The following RAB30 variants were observed in gnomAD, a reference collection of about 807,000 sequenced individuals.
The protein encoded by RAB30 is RAB30, member RAS oncogene family, also known as ras-related protein Rab-30.
A neutral mutation model predicts 25.1 loss-of-function variants in RAB30; 9 were observed. That is an observed-to-expected ratio of 0.36 (90% CI 0.22 to 0.63). The LOEUF is 0.63. Ranked by LOEUF, RAB30 falls within the 20% of genes least tolerant of loss-of-function variation. RAB30 has a pLI of 0.69. For synonymous variants in RAB30, 77 were observed against 86.4 expected, an observed-to-expected ratio of 0.89 and a Z score of 0.60; for missense variants, 140 against 243.5, an observed-to-expected ratio of 0.58 and a Z score of 2.83.
intron 1 of RAB30, among the ~76,000 whole-genome samples, chr11:83,031,631 G>T (rs1442676142): frequency 6.6e-6 from 1 of 151,686 alleles, no homozygotes; most frequent in East Asian, 1.9e-4. Context: ...GGGTTCAAGC[G>T]ATTCTCCTGC....
intron 1 of RAB30, among the ~76,000 whole-genome samples, chr11:83,021,138 T>C (rs1857568658): frequency 6.6e-6 from 1 of 152,204 alleles, no homozygotes; most frequent in Non-Finnish European, 1.5e-5. Context: ...AGCTGTTGTA[T>C]TGCTCAATAA....
At chr11:82,998,777 T>C (rs1471852672) in intron 1 of RAB30, among the ~76,000 whole-genome samples, 1 of 149,964 alleles carries the variant, frequency 6.7e-6, no homozygotes, top group African/African-American at 2.5e-5. Flanking sequence ...TTTCTTAAGG[T>C]GTAGGCAGAA....
At position 82,982,012 on chromosome 11, in the gene RAB30, C is replaced by G; in HGVS notation, c.*153G>C. Reference sequence around the variant, plus strand: ...TGTTCTGCTAATGCTGGCCTGTGGTCGAGGCCCTTGGCCTGCCATGCTTTG... The same window carrying G: ...TGTTCTGCTAATGCTGGCCTGTGGTGGAGGCCCTTGGCCTGCCATGCTTTG... On this transcript the variant is annotated 3_prime_UTR_variant, in exon 5 of 5. Transcript: ENST00000527633. 1.0e-6 allele frequency: 1 copy of G among 1,003,996 alleles called. No homozygotes were observed. Among genetic ancestry groups the G allele is most frequent in the Admixed American group, 2.4e-5 (1 of 42,036 alleles). The allele number at this position is 1,003,996 out of a possible 1,614,324, so 62.2% of individuals were successfully genotyped here. A position where few individuals can be genotyped will look rare whatever the true frequency, so the allele number is the denominator to read the frequency against.
At chr11:83,018,446 T>C (rs572971454) in intron 1 of RAB30, among the ~76,000 whole-genome samples, 3 of 152,354 alleles carry the variant, frequency 2.0e-5, no homozygotes, top group African/African-American at 7.2e-5. Context: ...TAATTACTGA[T>C]GTTGAGCACT....
At chr11:82,987,945 T>TAAA (rs66865945) in intron 3 of RAB30, among the ~76,000 whole-genome samples, 175 bp from the exon 4 acceptor site, 1 of 117,048 alleles carries the variant, frequency 8.5e-6, no homozygotes, top group East Asian at 2.4e-4. Flanking sequence ...CACTGAAAAT[T>TAAA]AAAAAAAAAA....
chr11:83,054,602 T>G (rs1041307726), intron 1 of RAB30, among the ~76,000 whole-genome samples: 1 of 152,094 alleles, frequency 6.6e-6, no homozygotes, highest in African/African-American at 2.4e-5. Context: ...GGCACACCTC[T>G]GTAGTCCTAG....
intron 1 of RAB30, among the ~76,000 whole-genome samples, chr11:83,019,565 C>T (rs917444539): frequency 6.6e-6 from 1 of 152,118 alleles, no homozygotes; most frequent in Non-Finnish European, 1.5e-5. Flanking sequence ...TTAACTGTTC[C>T]AGTTTGCTTC....
At chr11:83,027,473 C>T (rs1300717854) in intron 1 of RAB30, among the ~76,000 whole-genome samples, 3 of 152,018 alleles carry the variant, frequency 2.0e-5, no homozygotes, top group Non-Finnish European at 1.5e-5. Context: ...GGTGAATGTA[C>T]CCAAGGGAAA....
chr11:83,060,801 A>C (rs1590881110), intron 1 of RAB30, among the ~76,000 whole-genome samples: 3 of 152,312 alleles, frequency 2.0e-5, no homozygotes, highest in Admixed American at 6.5e-5. Flanking sequence ...CTGTTTCCAG[A>C]GGAGATAAGC....
intron 1 of RAB30, among the ~76,000 whole-genome samples, chr11:83,012,914 T>C (rs1213575831): frequency 6.6e-6 from 1 of 152,102 alleles, no homozygotes; most frequent in Non-Finnish European, 1.5e-5. Flanking sequence ...GGTTCATCCC[T>C]TCACACCTTT....
intron 1 of RAB30, among the ~76,000 whole-genome samples, chr11:83,048,838 G>A (rs1447707316): frequency 6.6e-6 from 1 of 152,160 alleles, no homozygotes; most frequent in African/African-American, 2.4e-5. Flanking sequence ...CTCACCCACC[G>A]TCTCTCCAAA....
intron 1 of RAB30, among the ~76,000 whole-genome samples, chr11:83,065,819 C>A (rs4944425): frequency 0.35 from 53,353 of 152,010 alleles, 9,560 homozygotes; most frequent in Admixed American, 0.39. Flanking sequence ...TGTGAACCTC[C>A]CAACAACCTT....
At chr11:83,023,889 G>C (rs544346650) in intron 1 of RAB30, among the ~76,000 whole-genome samples, 1 of 152,134 alleles carries the variant, frequency 6.6e-6, no homozygotes, top group Non-Finnish European at 1.5e-5. Context: ...AGCTTTCTTG[G>C]ATTCACCACC....
chr11:83,060,578 T>G (rs1192178225), intron 1 of RAB30, among the ~76,000 whole-genome samples: 1 of 152,210 alleles, frequency 6.6e-6, no homozygotes. Flanking sequence ...CAAAAAATTC[T>G]CACCACAAGT....
At chr11:82,988,646 A>G (rs1300320697) in intron 3 of RAB30, among the ~76,000 whole-genome samples, 1 of 152,248 alleles carries the variant, frequency 6.6e-6, no homozygotes, top group Non-Finnish European at 1.5e-5. Flanking sequence ...ATAACAAAGA[A>G]GAAGACAATA....
rs1856586205 is a variant in RAB30 at position 82,978,583 on chromosome 11, A to G, written c.*3582T>C. Reference sequence around the variant, plus strand: ...ATGTTTCACTTTAGTAGGAAGACCAATTCAAACATCATTTACAACTGACGT... The same window carrying G: ...ATGTTTCACTTTAGTAGGAAGACCAGTTCAAACATCATTTACAACTGACGT... On this transcript the variant is annotated 3_prime_UTR_variant, in exon 5 of 5. Coordinates refer to ENST00000527633, the MANE Select transcript of RAB30 (RefSeq NM_001286060.2). The G allele has an allele frequency of 1.3e-5, 2 of 152,152 alleles. No homozygotes were observed. Among genetic ancestry groups the G allele is most frequent in the Non-Finnish European group, 2.9e-5 (2 of 68,012 alleles). The allele number at this position is 152,152 out of a possible 1,614,324, so 9.4% of individuals were successfully genotyped here.
chr11:83,054,447 T>C (rs1858416270), intron 1 of RAB30, among the ~76,000 whole-genome samples: 1 of 152,220 alleles, frequency 6.6e-6, no homozygotes, highest in African/African-American at 2.4e-5. Context: ...TTTTTAGATC[T>C]GGGAGAAACT....
At chr11:82,989,032 C>T (rs182002801) in intron 3 of RAB30, among the ~76,000 whole-genome samples, 131 of 152,184 alleles carry the variant, frequency 8.6e-4, no homozygotes, top group African/African-American at 2.8e-3. Flanking sequence ...ATGAGGGAGA[C>T]GTCAGGGTCC....
intron 1 of RAB30, among the ~76,000 whole-genome samples, chr11:83,042,972 T>C (rs1363858044): frequency 6.6e-6 from 1 of 152,196 alleles, no homozygotes; most frequent in Non-Finnish European, 1.5e-5. Context: ...ATGATTAACA[T>C]TACAACATTA....
Sources: gnomAD v4.1 joint callset for allele counts (sites outside exome capture counted in the v4.1 genomes callset) on GRCh38, gnomAD v4.1.1 for gene constraint, MANE v1.5 for transcripts, NCBI Gene and HGNC (gene_info 2026-07-23, HGNC 2026-07-21) for gene names.